The following ZNF385D variants were observed in gnomAD, a reference collection of about 807,000 sequenced individuals.
The protein encoded by ZNF385D is zinc finger protein 385D.
In ZNF385D, 15 loss-of-function variants were observed where a neutral mutation model predicts 35.8. The ratio of observed to expected loss-of-function variants is 0.42; its 90% CI spans 0.28 to 0.64. The LOEUF (loss-of-function observed/expected upper bound fraction) is 0.64. Ranked by LOEUF, ZNF385D falls within the 30% of genes least tolerant of loss-of-function variation. The probability of loss-of-function intolerance (pLI) is 0.23; values close to 1 mark genes in which losing one functional copy is unlikely to be tolerated. For synonymous variants in ZNF385D, 212 were observed against 186.8 expected, an observed-to-expected ratio of 1.13 and a Z score of -1.10; for missense variants, 474 against 494.6, an observed-to-expected ratio of 0.96 and a Z score of 0.39.
intron 2 of ZNF385D, among the ~76,000 whole-genome samples, chr3:21,642,836 A>G (rs1447262409): frequency 6.6e-6 from 1 of 152,172 alleles, no homozygotes; most frequent in African/African-American, 2.4e-5. Flanking sequence ...TAAGTAAACC[A>G]GACACAAAAG....
intron 5 of ZNF385D, chr3:21,431,232 C>G (rs1304341095): frequency 6.6e-6 from 1 of 152,104 alleles, no homozygotes; most frequent in Non-Finnish European, 1.5e-5. Flanking sequence ...CTAGAAAATG[C>G]GTCTTGACAC....
chr3:22,078,870 C>G (rs1194284261), intron 3 of ZNF385D, among the ~76,000 whole-genome samples: 1 of 151,998 alleles, frequency 6.6e-6, no homozygotes, highest in African/African-American at 2.4e-5. Context: ...GACTCTTACA[C>G]ATAAAATTTT....
chr3:21,842,098 T>A (rs1192138034), intron 3 of ZNF385D, among the ~76,000 whole-genome samples: 1 of 151,950 alleles, frequency 6.6e-6, no homozygotes, highest in Non-Finnish European at 1.5e-5. Flanking sequence ...AACTATATGT[T>A]ATTTTAAAGC....
chr3:21,846,478 G>T (rs145827225), intron 3 of ZNF385D, among the ~76,000 whole-genome samples: 1 of 151,964 alleles, frequency 6.6e-6, no homozygotes, highest in Non-Finnish European at 1.5e-5. Flanking sequence ...AGTTCAAGCA[G>T]GTACCCAGAG....
At chr3:22,021,387 G>A (rs181509649) in intron 3 of ZNF385D, among the ~76,000 whole-genome samples, 1 of 151,934 alleles carries the variant, frequency 6.6e-6, no homozygotes, top group Non-Finnish European at 1.5e-5. Flanking sequence ...TAGGCTTTCA[G>A]GCATTAGAAG....
intron 2 of ZNF385D, among the ~76,000 whole-genome samples, chr3:22,194,869 A>G (rs545528914): frequency 6.6e-6 from 1 of 152,024 alleles, no homozygotes; most frequent in Admixed American, 6.6e-5. Flanking sequence ...GTATGAAGAT[A>G]CCACAATTTG....
intron 3 of ZNF385D, among the ~76,000 whole-genome samples, chr3:22,104,576 T>G (rs1702110677): frequency 6.6e-6 from 1 of 152,170 alleles, no homozygotes; most frequent in South Asian, 2.1e-4. Context: ...TAGTGATTTT[T>G]CAATTCTTCA....
chr3:22,265,671 T>C (rs955090297), intron 2 of ZNF385D, among the ~76,000 whole-genome samples: 1 of 151,946 alleles, frequency 6.6e-6, no homozygotes, highest in African/African-American at 2.4e-5. Flanking sequence ...ATTTTGGATA[T>C]GAGAGGAAGG....
At chr3:21,859,717 T>G (rs1350676798) in intron 3 of ZNF385D, among the ~76,000 whole-genome samples, 1 of 151,530 alleles carries the variant, frequency 6.6e-6, no homozygotes, top group African/African-American at 2.4e-5. Context: ...ACCTCACTGC[T>G]GGAATTGAAA....
At chr3:21,533,468 A>T (rs2061970473) in intron 3 of ZNF385D, among the ~76,000 whole-genome samples, 1 of 152,124 alleles carries the variant, frequency 6.6e-6, no homozygotes, top group South Asian at 2.1e-4. Flanking sequence ...CATTAATCCT[A>T]TAGAACGAAA....
At chr3:21,846,436 T>C (rs1559684681) in intron 3 of ZNF385D, among the ~76,000 whole-genome samples, 1 of 152,046 alleles carries the variant, frequency 6.6e-6, no homozygotes, top group East Asian at 1.9e-4. Flanking sequence ...AATTATTAAA[T>C]TGTGTGCTCC....
intron 3 of ZNF385D, among the ~76,000 whole-genome samples, chr3:21,863,947 A>C (rs1342299926): frequency 6.6e-6 from 1 of 152,140 alleles, no homozygotes; most frequent in Admixed American, 6.5e-5. Context: ...CTGATTCAGC[A>C]AATCTGGGGA....
chr3:21,688,634 AT>A lies in ZNF385D; in HGVS notation c.23-23607del, dbSNP rs1374787661. 2.0e-5 allele frequency among the ~76,000 whole-genome samples: 3 copies of A among 152,186 alleles called. No individual in the cohort carries two copies. The East Asian group carries it at 5.8e-4, about 29-fold the overall frequency. ...TGTTCCCATAGTGCATGGATATCCAATAAACTGTCTTTTAAATCCATGAATT... is the reference window on the plus strand; with the variant it reads ...TGTTCCCATAGTGCATGGATATCCAAAAACTGTCTTTTAAATCCATGAATT... On this transcript the variant is annotated intron_variant, in intron 1 of 7. Coordinates refer to ENST00000281523, the MANE Select transcript of ZNF385D (RefSeq NM_024697.3).
chr3:21,529,442 CCTT>C (rs1439150091), intron 3 of ZNF385D, among the ~76,000 whole-genome samples: 2 of 152,046 alleles, frequency 1.3e-5, no homozygotes, highest in East Asian at 1.9e-4. Context: ...GCTTTTTCAT[CCTT>C]CTTCATTTTT....
chr3:21,648,200 A>G (rs2065809390), intron 2 of ZNF385D, among the ~76,000 whole-genome samples: 1 of 152,068 alleles, frequency 6.6e-6, no homozygotes. Context: ...TTTCCCCCAT[A>G]CTGTTCTTGT....
chr3:22,235,382 G>A (rs560673080), intron 2 of ZNF385D, among the ~76,000 whole-genome samples: 2 of 152,234 alleles, frequency 1.3e-5, no homozygotes, highest in South Asian at 4.1e-4. Flanking sequence ...AAGGCTGATT[G>A]CAGGGAGAAA....
At chr3:21,990,932 A>C (rs540983187) in intron 3 of ZNF385D, among the ~76,000 whole-genome samples, 1 of 152,234 alleles carries the variant, frequency 6.6e-6, no homozygotes, top group African/African-American at 2.4e-5. Context: ...CTATCTTTCT[A>C]AACAACAAAT....
At chr3:21,440,737 G>A (rs571402357) in intron 4 of ZNF385D, among the ~76,000 whole-genome samples, 1 of 152,076 alleles carries the variant, frequency 6.6e-6, no homozygotes, top group South Asian at 2.1e-4. Context: ...CTATTCTAGA[G>A]TTAAAGTTTA....
chr3:22,094,988 AC>A (rs969374069), intron 3 of ZNF385D, among the ~76,000 whole-genome samples: 23 of 151,432 alleles, frequency 1.5e-4, no homozygotes, highest in Admixed American at 1.3e-4. Context: ...GCTCACTGTT[AC>A]CTTAAACTCC....
Sources: gnomAD v4.1 joint callset for allele counts (sites outside exome capture counted in the v4.1 genomes callset) on GRCh38, gnomAD v4.1.1 for gene constraint, MANE v1.5 for transcripts, NCBI Gene and HGNC (gene_info 2026-07-23, HGNC 2026-07-21) for gene names.